SLC24A2: variants seen among roughly 807,000 people sequenced by gnomAD.
SLC24A2 encodes the protein sodium/potassium/calcium exchanger 2.
A neutral mutation model predicts 62.0 loss-of-function variants in SLC24A2; 36 were observed. That is an observed-to-expected ratio of 0.58 (90% CI 0.44 to 0.77). The LOEUF (loss-of-function observed/expected upper bound fraction) is 0.77, where lower values mean the gene tolerates loss of function less well. Ranked by LOEUF, SLC24A2 falls within the 30% of genes least tolerant of loss-of-function variation. The pLI is 0.00. For synonymous variants in SLC24A2, 358 were observed against 294.0 expected (o/e 1.22, Z -2.23); for missense variants, 846 against 817.9 (o/e 1.03, Z -0.42).
chr9:19,577,030 A>C lies in SLC24A2; in HGVS notation c.1130-8T>G, dbSNP rs751426196. On this transcript the variant is annotated splice_region_variant and splice_polypyrimidine_tract_variant and intron_variant, in intron 5 of 10. Coordinates refer to ENST00000341998, the MANE Select transcript of SLC24A2 (RefSeq NM_020344.4). The stretch of plus-strand genomic sequence containing the variant: ...CCTTTTCTCTGAACCTCCCTGAAGC[A>C]AAAGAAAGTGGCAGGAAGGAGACAC... 2.5e-6 allele frequency: 4 copies of C among 1,610,748 alleles called. No homozygotes were observed. In the South Asian group the frequency reaches 4.4e-5, roughly 18 times the overall value.
the SLC24A2 span, among the ~76,000 whole-genome samples, chr9:20,231,808 G>GC: frequency 1.4e-5 from 2 of 143,606 alleles, no homozygotes; most frequent in Non-Finnish European, 3.0e-5. Flanking sequence ...TCCCTGTCTT[G>GC]TGCCCGTTTT....
the SLC24A2 span, among the ~76,000 whole-genome samples, chr9:20,109,152 G>C: frequency 6.6e-6 from 1 of 152,114 alleles, no homozygotes; most frequent in Admixed American, 6.6e-5. Flanking sequence ...TGTCATCTAG[G>C]TTTGGGTACG....
intron 2 of SLC24A2, among the ~76,000 whole-genome samples, chr9:19,778,098 T>C (rs894233867): frequency 2.0e-5 from 3 of 152,214 alleles, no homozygotes; most frequent in Non-Finnish European, 4.4e-5. Context: ...GTGTCACTTG[T>C]TGTATGCATT....
At chr9:20,237,428 C>G in the SLC24A2 span, among the ~76,000 whole-genome samples, 4 of 152,158 alleles carry the variant, frequency 2.6e-5, no homozygotes, top group Admixed American at 2.0e-4. Flanking sequence ...CCAGGTCTTT[C>G]TGACACTAGC....
the SLC24A2 span, among the ~76,000 whole-genome samples, chr9:19,819,705 T>C: frequency 1.3e-5 from 2 of 151,408 alleles, no homozygotes; most frequent in Non-Finnish European, 3.0e-5. Flanking sequence ...AAACCAACAG[T>C]AGATGTTGAC....
At chr9:19,983,758 A>C in the SLC24A2 span, among the ~76,000 whole-genome samples, 2 of 152,230 alleles carry the variant, frequency 1.3e-5, no homozygotes, top group Non-Finnish European at 2.9e-5. Context: ...AAACACCTAG[A>C]AATGAATCTA....
At chr9:19,519,540 T>G (rs978247504) in intron 10 of SLC24A2, among the ~76,000 whole-genome samples, 8 of 152,268 alleles carry the variant, frequency 5.3e-5, no homozygotes, top group African/African-American at 1.4e-4. Context: ...ACAACTTCCT[T>G]TAAAACATAC....
At chr9:20,223,990 A>C in the SLC24A2 span, among the ~76,000 whole-genome samples, 3 of 152,024 alleles carry the variant, frequency 2.0e-5, no homozygotes, top group Admixed American at 2.0e-4. Context: ...AAAGTGAGAG[A>C]GTGAGGAATG....
At chr9:20,217,457 C>T in the SLC24A2 span, among the ~76,000 whole-genome samples, 1 of 152,044 alleles carries the variant, frequency 6.6e-6, no homozygotes, top group Non-Finnish European at 1.5e-5. Context: ...ATCATTTGTG[C>T]TCTTCTCTGC....
At chr9:19,877,550 G>T in the SLC24A2 span, among the ~76,000 whole-genome samples, 1 of 151,796 alleles carries the variant, frequency 6.6e-6, no homozygotes, top group East Asian at 2.0e-4. Flanking sequence ...TTGGAGTGAA[G>T]GAGTATGGGA....
At chr9:19,835,856 C>T in the SLC24A2 span, among the ~76,000 whole-genome samples, 3 of 152,132 alleles carry the variant, frequency 2.0e-5, no homozygotes, top group Non-Finnish European at 4.4e-5. Flanking sequence ...TGTGAAAGAA[C>T]AGAAATTACA....
At chr9:19,805,475 A>AGAT in the SLC24A2 span, among the ~76,000 whole-genome samples, 1 of 152,192 alleles carries the variant, frequency 6.6e-6, no homozygotes, top group African/African-American at 2.4e-5. Flanking sequence ...GCATTTTAGG[A>AGAT]GATTCACTCA....
At chr9:20,235,397 T>A in the SLC24A2 span, among the ~76,000 whole-genome samples, 1 of 152,242 alleles carries the variant, frequency 6.6e-6, no homozygotes, top group East Asian at 1.9e-4. Context: ...CCCGCCGCTT[T>A]GTTTCCCTAA....
At chr9:20,101,418 G>C in the SLC24A2 span, among the ~76,000 whole-genome samples, 2 of 152,254 alleles carry the variant, frequency 1.3e-5, no homozygotes, top group Non-Finnish European at 2.9e-5. Context: ...GTGTCTATTA[G>C]TGGAAACTGT....
chr9:19,789,589 T>A (rs2118960265), upstream of SLC24A2, among the ~76,000 whole-genome samples: 1 of 152,320 alleles, frequency 6.6e-6, no homozygotes, highest in Non-Finnish European at 1.5e-5. Context: ...CCCCGTGTCA[T>A]TTTGAATCAC....
the SLC24A2 span, among the ~76,000 whole-genome samples, chr9:20,177,616 C>T: frequency 6.6e-6 from 1 of 151,944 alleles, no homozygotes; most frequent in African/African-American, 2.4e-5. Context: ...CAAAGTGTAT[C>T]CTGGAGTAGC....
At chr9:19,645,330 C>T (rs900727914) in intron 2 of SLC24A2, among the ~76,000 whole-genome samples, 1 of 152,100 alleles carries the variant, frequency 6.6e-6, no homozygotes, top group Non-Finnish European at 1.5e-5. Flanking sequence ...TTATTATTAT[C>T]ATTTTAGACT....
intron 8 of SLC24A2, among the ~76,000 whole-genome samples, chr9:19,529,069 T>G (rs1417450623): frequency 6.6e-6 from 1 of 152,158 alleles, no homozygotes; most frequent in Non-Finnish European, 1.5e-5. Flanking sequence ...ATTGGGGTCT[T>G]TTAAAAACAC....
chr9:19,554,395 A>G (rs1834983605), intron 7 of SLC24A2, among the ~76,000 whole-genome samples: 1 of 152,242 alleles, frequency 6.6e-6, no homozygotes, highest in South Asian at 2.1e-4. Context: ...GATTTAAAGG[A>G]TATGGGAGGA....
Sources: allele counts gnomAD v4.1 joint callset (sites outside exome capture counted in the v4.1 genomes callset), GRCh38; gene constraint gnomAD v4.1.1; transcripts MANE v1.5; gene names NCBI Gene and HGNC (gene_info 2026-07-23, HGNC 2026-07-21).